The following CSGALNACT1 variants were observed in gnomAD, a reference collection of about 807,000 sequenced individuals.
CSGALNACT1 encodes chondroitin sulfate N-acetylgalactosaminyltransferase 1.
CSGALNACT1 carries 52 observed loss-of-function variants against 51.0 expected under a neutral mutation model. That is an observed-to-expected ratio of 1.02 (90% CI 0.82 to 1.29). The LOEUF (loss-of-function observed/expected upper bound fraction) is 1.29. CSGALNACT1 is among the 50% of genes most tolerant of loss of function. The pLI is 0.00. For synonymous variants in CSGALNACT1, 341 were observed against 254.4 expected, an observed-to-expected ratio of 1.34 and a Z score of -3.24; for missense variants, 935 against 679.2, an observed-to-expected ratio of 1.38 and a Z score of -4.19.
At chr8:19,449,290 A>C (rs1003164013) in intron 5 of CSGALNACT1, among the ~76,000 whole-genome samples, 3 of 152,214 alleles carry the variant, frequency 2.0e-5, no homozygotes, top group Admixed American at 1.3e-4. Context: ...ATAGATTAGC[A>C]TCTCTCAAAC....
At chr8:19,681,553 TA>T (rs1229553668) in intron 1 of CSGALNACT1, among the ~76,000 whole-genome samples, 2 of 152,142 alleles carry the variant, frequency 1.3e-5, no homozygotes, top group African/African-American at 4.8e-5. Flanking sequence ...AGGTAAGTGG[TA>T]AATCTGCAGG....
At chr8:19,651,196 G>T (rs2057770057) in intron 1 of CSGALNACT1, among the ~76,000 whole-genome samples, 1 of 152,152 alleles carries the variant, frequency 6.6e-6, no homozygotes, top group Non-Finnish European at 1.5e-5. Flanking sequence ...TCTGGATTTT[G>T]TCAATGCCAC....
chr8:19,649,795 A>T (rs1162815009), intron 1 of CSGALNACT1, among the ~76,000 whole-genome samples: 1 of 143,444 alleles, frequency 7.0e-6, no homozygotes, highest in East Asian at 2.3e-4. Flanking sequence ...AATTAAAGGA[A>T]GAAATTAAAT....
chr8:19,752,297 A>C (rs932015967), intron 1 of CSGALNACT1, among the ~76,000 whole-genome samples: 1 of 151,850 alleles, frequency 6.6e-6, no homozygotes, highest in Non-Finnish European at 1.5e-5. Flanking sequence ...AGAGCGTCAC[A>C]CAAACTTATG....
At chr8:19,490,456 G>A (rs917374236) in intron 4 of CSGALNACT1, among the ~76,000 whole-genome samples, 8 of 152,156 alleles carry the variant, frequency 5.3e-5, no homozygotes, top group African/African-American at 1.9e-4. Flanking sequence ...TGGGAGTACT[G>A]GGAAGGGGAA....
chr8:19,748,077 A>G (rs1229641073), intron 1 of CSGALNACT1, among the ~76,000 whole-genome samples: 2 of 152,210 alleles, frequency 1.3e-5, no homozygotes, highest in East Asian at 3.8e-4. Flanking sequence ...ACTTCTATGC[A>G]TATAAGTTGC....
At chr8:19,412,130 G>A (rs1399118245) in intron 8 of CSGALNACT1, among the ~76,000 whole-genome samples, 1 of 152,176 alleles carries the variant, frequency 6.6e-6, no homozygotes, top group Non-Finnish European at 1.5e-5. Context: ...ACCGCACCCA[G>A]CCTGCTATCC....
intron 3 of CSGALNACT1, among the ~76,000 whole-genome samples, chr8:19,577,147 C>T (rs1359108961): frequency 6.6e-6 from 1 of 152,180 alleles, no homozygotes; most frequent in African/African-American, 2.4e-5. Context: ...CCTGACAAAC[C>T]AGTGCCCCTT....
In CSGALNACT1 at chr8:19,491,285, C is replaced by G. The variant is rs551488872; in HGVS notation, c.634+13916G>C. ...CGATACCGCAAAATTTTACCAGTCT[C>G]CTATTGTTAGACAACTAATTGCTTC... On this transcript the variant is annotated intron_variant, in intron 4 of 9. Transcript: ENST00000454498. Among the ~76,000 whole-genome samples, 116 of 152,244 alleles carry G rather than the reference C, an allele frequency of 7.6e-4. 1 individual carries two copies. The highest frequency in any genetic ancestry group is 2.2e-3 in the Admixed American group (33 of 15,288).
intron 5 of CSGALNACT1, among the ~76,000 whole-genome samples, chr8:19,448,095 A>G (rs558861545): frequency 1.3e-4 from 20 of 152,186 alleles, no homozygotes; most frequent in Non-Finnish European, 7.3e-5. Context: ...ACATCTGCAC[A>G]TGTGTGAGTT....
At chr8:19,696,043 T>C (rs1337355828) in intron 1 of CSGALNACT1, among the ~76,000 whole-genome samples, 2 of 152,210 alleles carry the variant, frequency 1.3e-5, no homozygotes, top group Admixed American at 6.5e-5. Flanking sequence ...CCAAGACCAG[T>C]AGCAAAAACA....
At chr8:19,454,936 T>C (rs2063812736) in intron 5 of CSGALNACT1, among the ~76,000 whole-genome samples, 1 of 152,262 alleles carries the variant, frequency 6.6e-6, no homozygotes, top group South Asian at 2.1e-4. Context: ...CCGGTTTTTT[T>C]CTATAAATTT....
chr8:19,690,681 T>G (rs1327563553), intron 1 of CSGALNACT1, among the ~76,000 whole-genome samples: 1 of 152,230 alleles, frequency 6.6e-6, no homozygotes, highest in African/African-American at 2.4e-5. Context: ...AGTTTGCAGA[T>G]GGAGCAATAA....
chr8:19,486,670 A>G (rs948759374), intron 4 of CSGALNACT1, among the ~76,000 whole-genome samples: 2 of 152,196 alleles, frequency 1.3e-5, no homozygotes, highest in African/African-American at 4.8e-5. Flanking sequence ...AATGAGACCT[A>G]CATTGACTGT....
intron 3 of CSGALNACT1, among the ~76,000 whole-genome samples, chr8:19,550,625 T>C (rs1482741250): frequency 1.3e-5 from 2 of 152,206 alleles, no homozygotes; most frequent in East Asian, 3.9e-4. Context: ...AAATGTATAG[T>C]GATCCTTCAC....
At chr8:19,554,903 G>T (rs554634217) in intron 3 of CSGALNACT1, among the ~76,000 whole-genome samples, 1 of 151,994 alleles carries the variant, frequency 6.6e-6, no homozygotes, top group African/African-American at 2.4e-5. Flanking sequence ...GGGTGACAGA[G>T]GGAGACTCTG....
At chr8:19,734,239 G>C (rs1366820986) in intron 1 of CSGALNACT1, among the ~76,000 whole-genome samples, 1 of 152,218 alleles carries the variant, frequency 6.6e-6, no homozygotes, top group East Asian at 1.9e-4. Flanking sequence ...ACTGGATGAA[G>C]TTGGCCTAAA....
intron 1 of CSGALNACT1, among the ~76,000 whole-genome samples, chr8:19,620,519 A>G (rs1159685632): frequency 1.3e-5 from 2 of 149,070 alleles, no homozygotes; most frequent in Non-Finnish European, 3.0e-5. Context: ...TGCTGTCTCC[A>G]CCTCCCATGC....
At chr8:19,479,514 C>T (rs1262736074) in intron 4 of CSGALNACT1, among the ~76,000 whole-genome samples, 1 of 152,068 alleles carries the variant, frequency 6.6e-6, no homozygotes, top group Non-Finnish European at 1.5e-5. Flanking sequence ...TTTAATGGTC[C>T]TCATTAGTTC....
Sources: allele counts gnomAD v4.1 joint callset (sites outside exome capture counted in the v4.1 genomes callset), GRCh38; gene constraint gnomAD v4.1.1; transcripts MANE v1.5; gene names NCBI Gene and HGNC (gene_info 2026-07-23, HGNC 2026-07-21).